The following RPA1 variants were observed in gnomAD, a reference collection of about 807,000 sequenced individuals.
RPA1 encodes replication protein A1, also known as replication protein A 70 kDa DNA-binding subunit.
Under a neutral mutation model 83.0 loss-of-function variants are expected in RPA1, and 49 were observed. The ratio of observed to expected loss-of-function variants is 0.59; its 90% CI spans 0.47 to 0.75. RPA1 has a LOEUF of 0.75. Among genes scored for constraint, RPA1 ranks in the 30% least tolerant of loss-of-function variants. The pLI is 0.00. For missense variants in RPA1, 693 were observed against 776.1 expected, an observed-to-expected ratio of 0.89 and a Z score of 1.27; for synonymous variants, 279 against 281.8, an observed-to-expected ratio of 0.99 and a Z score of 0.10.
chr17:1,895,268 G>C (rs919828032), intron 16 of RPA1, among the ~76,000 whole-genome samples, 173 bp downstream of exon 16: 3 of 151,726 alleles, frequency 2.0e-5, no homozygotes, highest in Admixed American at 6.6e-5. Context: ...AGGAAGGAGA[G>C]AGAGCTTAAG....
intron 8 of RPA1, among the ~76,000 whole-genome samples, chr17:1,878,516 G>A (rs1913649714): frequency 6.6e-6 from 1 of 152,138 alleles, no homozygotes; most frequent in Admixed American, 6.5e-5. Flanking sequence ...CAAGCAACTT[G>A]CAAACATGAC....
chr17:1,865,576 C>T (rs917921326), intron 5 of RPA1, among the ~76,000 whole-genome samples: 2 of 151,976 alleles, frequency 1.3e-5, no homozygotes, highest in African/African-American at 4.8e-5. Flanking sequence ...TTATAGCTAC[C>T]GAATTGTGTG....
chr17:1,852,786 C>T (rs146547797), intron 4 of RPA1, among the ~76,000 whole-genome samples: 10 of 152,284 alleles, frequency 6.6e-5, no homozygotes, highest in Admixed American at 6.5e-4. Context: ...GTATGTGTTT[C>T]TGAAAACAGT....
chr17:1,871,411 G>C (rs1487753577), intron 5 of RPA1, among the ~76,000 whole-genome samples: 1 of 152,188 alleles, frequency 6.6e-6, no homozygotes, highest in Admixed American at 6.5e-5. Flanking sequence ...GGAAAACGCA[G>C]CAGGAATGCG....
intron 1 of RPA1, among the ~76,000 whole-genome samples, chr17:1,831,588 G>T (rs1053355638): frequency 2.0e-5 from 3 of 151,156 alleles, no homozygotes; most frequent in African/African-American, 7.3e-5. Context: ...CTTCTTCCAT[G>T]GGGCCTTTGA....
chr17:1,846,111 T>A (rs1010246123), intron 4 of RPA1, among the ~76,000 whole-genome samples: 2 of 152,134 alleles, frequency 1.3e-5, no homozygotes, highest in African/African-American at 4.8e-5. Flanking sequence ...ACTCAATAAC[T>A]TTTTTCTGGA....
chr17:1,852,951 G>T lies in RPA1; in HGVS notation c.273-150G>T. 5 of 635,314 alleles carry T rather than the reference G, an allele frequency of 7.9e-6. No homozygotes were observed. The South Asian group carries it at 9.6e-5, about 12-fold the overall frequency. The allele number at this position is 635,314 out of a possible 1,614,324, so 39.4% of individuals were successfully genotyped here. A position where few individuals can be genotyped will look rare whatever the true frequency, so the allele number is the denominator to read the frequency against. On this transcript the variant is annotated intron_variant, in intron 4 of 16. Transcript: ENST00000254719. The stretch of plus-strand genomic sequence containing the variant: ...AACCCTGCAATCACTTGATAATGAT[G>T]CGGCGAAAGATGAAGAGAAATATTT...
intron 15 of RPA1, among the ~76,000 whole-genome samples, chr17:1,893,165 T>A (rs1406208216): frequency 6.6e-6 from 1 of 152,226 alleles, no homozygotes; most frequent in African/African-American, 2.4e-5. Flanking sequence ...TAACTAGAAT[T>A]GACTTTAAAG....
At chr17:1,873,220 A>G (rs1023910826) in intron 6 of RPA1, among the ~76,000 whole-genome samples, 1 of 152,190 alleles carries the variant, frequency 6.6e-6, no homozygotes, top group Non-Finnish European at 1.5e-5. Context: ...GTTTGCTTGA[A>G]GACAGTATTA....
At chr17:1,834,048 C>T (rs943151475) in intron 1 of RPA1, among the ~76,000 whole-genome samples, 5 of 151,994 alleles carry the variant, frequency 3.3e-5, no homozygotes, top group African/African-American at 9.7e-5. Context: ...GGTGTGTTGG[C>T]GTGTGCCTGT....
At chr17:1,875,052 G>A (rs77656809) in intron 6 of RPA1, among the ~76,000 whole-genome samples, 17 of 152,330 alleles carry the variant, frequency 1.1e-4, no homozygotes, top group Non-Finnish European at 2.5e-4. Context: ...TTTGGATTAA[G>A]GAGGCGGAAG....
chr17:1,889,652 ATTTTG>A lies in RPA1; in HGVS notation c.1551+816_1551+820del, dbSNP rs17339109. The stretch of plus-strand genomic sequence containing the variant: ...CACTGCACCCGGCCTTAAGATTTTT[ATTTTG>A]TTTTGTTTTGTTTTCAATGATAGAA... On this transcript the variant is annotated intron_variant, in intron 14 of 16. Transcript: ENST00000254719. Among the ~76,000 whole-genome samples, 5 of 151,992 alleles carry A rather than the reference ATTTTG, an allele frequency of 3.3e-5. No individual in the cohort carries two copies. The East Asian group carries it at 9.7e-4, about 29-fold the overall frequency.
intron 15 of RPA1, 51 bp downstream of exon 15, chr17:1,891,991 C>A: frequency 1.4e-5 from 17 of 1,242,032 alleles, no homozygotes; most frequent in East Asian, 2.4e-5. Flanking sequence ...GGTTCTCATT[C>A]TATAACACTG....
chr17:1,838,206 G>A (rs1911896111), intron 1 of RPA1, among the ~76,000 whole-genome samples: 2 of 151,388 alleles, frequency 1.3e-5, no homozygotes, highest in African/African-American at 4.8e-5. Flanking sequence ...CGGGAGAATG[G>A]CGTGAACCCG....
intron 5 of RPA1, among the ~76,000 whole-genome samples, chr17:1,864,852 A>T (rs1043793597): frequency 6.6e-6 from 1 of 152,224 alleles, no homozygotes; most frequent in East Asian, 1.9e-4. Context: ...GTGAGCCGAG[A>T]TTGTGCCATT....
chr17:1,863,696 A>G (rs1324471422), intron 5 of RPA1, among the ~76,000 whole-genome samples: 1 of 152,220 alleles, frequency 6.6e-6, no homozygotes, highest in Non-Finnish European at 1.5e-5. Context: ...AAGTTTTTCT[A>G]TGAAACATAT....
chr17:1,874,445 G>A (rs1485483952), intron 6 of RPA1, among the ~76,000 whole-genome samples: 1 of 152,214 alleles, frequency 6.6e-6, no homozygotes, highest in Non-Finnish European at 1.5e-5. Flanking sequence ...GTTTGAGGCT[G>A]CAGCGAGCTA....
At chr17:1,834,892 C>T (rs756322300) in intron 1 of RPA1, among the ~76,000 whole-genome samples, 1 of 152,048 alleles carries the variant, frequency 6.6e-6, no homozygotes, top group Non-Finnish European at 1.5e-5. Flanking sequence ...TAAAGGGTCT[C>T]ACTCTGTTGC....
intron 16 of RPA1, 150 bp downstream of exon 16, chr17:1,895,245 C>T: frequency 2.1e-6 from 1 of 482,502 alleles, no homozygotes; most frequent in Non-Finnish European, 3.7e-6. Flanking sequence ...GTTATGATCC[C>T]CATTTTCAGA....
Sources: allele counts gnomAD v4.1 joint callset (sites outside exome capture counted in the v4.1 genomes callset), GRCh38; gene constraint gnomAD v4.1.1; transcripts MANE v1.5; gene names NCBI Gene and HGNC (gene_info 2026-07-23, HGNC 2026-07-21).